Variants in KAZN observed in about 807,000 individuals in gnomAD.
KAZN encodes kazrin.
In KAZN, 40 loss-of-function variants were observed where a neutral mutation model predicts 87.4. The observed-to-expected ratio is 0.46, with a 90% CI of 0.36 to 0.60. The LOEUF is 0.60. Ranked by LOEUF, KAZN falls within the 20% of genes least tolerant of loss-of-function variation. The pLI, the probability that KAZN is intolerant of heterozygous loss-of-function variation, is 0.00. For missense variants in KAZN, 898 were observed against 1,073.9 expected (o/e 0.84, Z 2.29); for synonymous variants, 466 against 458.3 (o/e 1.02, Z -0.22).
intron 1 of KAZN, among the ~76,000 whole-genome samples, chr1:14,050,178 G>C (rs78237815): frequency 2.6e-5 from 4 of 151,620 alleles, no homozygotes; most frequent in African/African-American, 7.3e-5. Flanking sequence ...GGGTGTGTGC[G>C]CACATGTGTG....
chr1:14,617,484 T>A (rs1259963173), intron 1 of KAZN, among the ~76,000 whole-genome samples: 1 of 152,196 alleles, frequency 6.6e-6, no homozygotes, highest in Non-Finnish European at 1.5e-5. Flanking sequence ...ACCACAAACC[T>A]TTGATTTGTA....
intron 2 of KAZN, among the ~76,000 whole-genome samples, chr1:14,407,942 T>C (rs1214264868): frequency 6.6e-6 from 1 of 152,240 alleles, no homozygotes; most frequent in Non-Finnish European, 1.5e-5. Context: ...ATGCAGGTTC[T>C]TTATGCTACT....
intron 2 of KAZN, among the ~76,000 whole-genome samples, chr1:14,975,512 A>G (rs964873771): frequency 6.6e-6 from 1 of 152,238 alleles, no homozygotes; most frequent in Non-Finnish European, 1.5e-5. Context: ...CAAGGTTAAA[A>G]TTCAATGTCT....
intron 2 of KAZN, among the ~76,000 whole-genome samples, chr1:14,475,659 A>G (rs1235845367): frequency 6.6e-6 from 1 of 152,176 alleles, no homozygotes. Context: ...CAATTTTTTA[A>G]TTCACAATCC....
intron 1 of KAZN, among the ~76,000 whole-genome samples, chr1:14,891,114 G>A (rs893162171): frequency 1.3e-5 from 2 of 152,074 alleles, no homozygotes; most frequent in African/African-American, 4.8e-5. Context: ...AAAGTGCTGG[G>A]ATTACAGGTG....
intron 1 of KAZN, among the ~76,000 whole-genome samples, chr1:14,830,307 A>C (rs1202830792): frequency 6.6e-6 from 1 of 152,234 alleles, no homozygotes; most frequent in Non-Finnish European, 1.5e-5. Context: ...GAAAAATGAC[A>C]GTCCCAGCAA....
chr1:13,990,403 T>C (rs1218905797), intron 1 of KAZN, among the ~76,000 whole-genome samples: 1 of 152,142 alleles, frequency 6.6e-6, no homozygotes, highest in East Asian at 1.9e-4. Flanking sequence ...AACATTATGA[T>C]GAGTGAAAAA....
chr1:14,198,911 T>G (rs1646583209), intron 2 of KAZN, among the ~76,000 whole-genome samples: 1 of 152,104 alleles, frequency 6.6e-6, no homozygotes, highest in Admixed American at 6.5e-5. Context: ...AAGCTAAGGT[T>G]TGAACCTGGG....
intron 1 of KAZN, among the ~76,000 whole-genome samples, chr1:14,917,515 C>T (rs1657940106): frequency 6.6e-6 from 1 of 152,174 alleles, no homozygotes. Context: ...GTTTCACTAG[C>T]CCAGTTTTTG....
intron 1 of KAZN, among the ~76,000 whole-genome samples, chr1:14,665,870 A>G (rs1455388955): frequency 6.7e-6 from 1 of 148,862 alleles, no homozygotes; most frequent in Non-Finnish European, 1.5e-5. Flanking sequence ...GTGCACCACC[A>G]GTGTCCAAGG....
intron 2 of KAZN, among the ~76,000 whole-genome samples, chr1:14,580,532 G>C (rs146401560): frequency 2.6e-5 from 4 of 151,912 alleles, no homozygotes; most frequent in African/African-American, 9.7e-5. Context: ...TATTAATAGC[G>C]CAGCCATGTG....
chr1:14,288,343 G>T (rs928484479), intron 2 of KAZN, among the ~76,000 whole-genome samples: 26 of 152,074 alleles, frequency 1.7e-4, no homozygotes, highest in Admixed American at 9.8e-4. Context: ...ATTAATTATT[G>T]CCTCAATTTC....
chr1:14,179,015 T>C (rs560516675), intron 1 of KAZN, among the ~76,000 whole-genome samples: 2 of 152,300 alleles, frequency 1.3e-5, no homozygotes, highest in South Asian at 2.1e-4. Flanking sequence ...GGTGAGCATG[T>C]CAACAATTTA....
intron 1 of KAZN, among the ~76,000 whole-genome samples, chr1:14,875,730 T>C (rs938131061): frequency 2.6e-5 from 4 of 152,190 alleles, no homozygotes; most frequent in Non-Finnish European, 5.9e-5. Context: ...AAACTGGCAA[T>C]GACTACAAAT....
chr1:13,949,104 CCAGCATTCTGGTAA>C (rs1368748137), intron 1 of KAZN, among the ~76,000 whole-genome samples: 1 of 152,196 alleles, frequency 6.6e-6, no homozygotes, highest in African/African-American at 2.4e-5. Context: ...TTCTTTCCAG[CCAGCATTCTGGTAA>C]GAACATCATT....
intron 2 of KAZN, among the ~76,000 whole-genome samples, chr1:14,413,563 T>G (rs970275123): frequency 1.7e-5 from 2 of 115,326 alleles, no homozygotes; most frequent in African/African-American, 6.8e-5. Flanking sequence ...CACTCCAGCC[T>G]GGGCAACAGT....
At chr1:14,540,255 C>A (rs1270454640) in intron 2 of KAZN, among the ~76,000 whole-genome samples, 1 of 152,154 alleles carries the variant, frequency 6.6e-6, no homozygotes, top group Non-Finnish European at 1.5e-5. Flanking sequence ...GCCTTCAAGC[C>A]AAATGCCAGA....
chr1:15,074,467 C>T (rs1202798365), intron 8 of KAZN, among the ~76,000 whole-genome samples: 1 of 152,140 alleles, frequency 6.6e-6, no homozygotes, highest in African/African-American at 2.4e-5. Context: ...TGGGTGTCCC[C>T]CGGCTTCCCT....
chr1:14,486,734 G>C (rs1669369253), intron 2 of KAZN, among the ~76,000 whole-genome samples: 1 of 152,160 alleles, frequency 6.6e-6, no homozygotes, highest in East Asian at 1.9e-4. Context: ...ACACCTTCAG[G>C]CTTGGGAGGA....
Sources: gnomAD v4.1 joint callset for allele counts (sites outside exome capture counted in the v4.1 genomes callset) on GRCh38, gnomAD v4.1.1 for gene constraint, MANE v1.5 for transcripts, NCBI Gene and HGNC (gene_info 2026-07-23, HGNC 2026-07-21) for gene names.